The following PKHD1 variants were observed in gnomAD, a reference collection of about 807,000 sequenced individuals.
The protein encoded by PKHD1 is PKHD1 ciliary IPT domain containing fibrocystin/polyductin.
PKHD1 carries 291 observed loss-of-function variants against 412.0 expected under a neutral mutation model. The observed-to-expected ratio is 0.71, with a 90% CI of 0.64 to 0.78. The LOEUF (loss-of-function observed/expected upper bound fraction) is 0.78. PKHD1 is among the 30% of genes least tolerant of loss of function. PKHD1 has a pLI of 0.00. For missense variants in PKHD1, 4,825 were observed against 4,950.7 expected (o/e 0.97, Z 0.76); for synonymous variants, 1,777 against 1,821.5 (o/e 0.98, Z 0.62).
chr6:52,071,351 A>G (rs1810582382), intron 8 of PKHD1, among the ~76,000 whole-genome samples: 1 of 151,916 alleles, frequency 6.6e-6, no homozygotes, highest in African/African-American at 2.4e-5. Context: ...GTCATATGAC[A>G]AGTATAACAA....
In PKHD1 at chr6:52,036,790, T is replaced by C. The variant is rs146429874; in HGVS notation, c.3098-1069A>G. 9.2e-5 allele frequency among the ~76,000 whole-genome samples: 14 copies of C among 152,242 alleles called. No individual in the cohort carries two copies. The East Asian group carries it at 2.7e-3, about 29-fold the overall frequency. ...ATATTTGAAATACTCTTGAAGAACT[T>C]AATGGATGGATTAAAACTTACATAA... On this transcript the variant is annotated intron_variant, in intron 27 of 66. Transcript: ENST00000371117.
intron 33 of PKHD1, among the ~76,000 whole-genome samples, chr6:52,019,604 G>C (rs1408416054): frequency 6.6e-6 from 1 of 152,128 alleles, no homozygotes; most frequent in Non-Finnish European, 1.5e-5. Context: ...CCCAGGGCTG[G>C]GGATCAAAAT....
At chr6:51,671,548 C>G (rs1438707974) in intron 60 of PKHD1, among the ~76,000 whole-genome samples, 1 of 152,186 alleles carries the variant, frequency 6.6e-6, no homozygotes, top group Admixed American at 6.5e-5. Context: ...TCTCTCAGCT[C>G]GTCAAAGTCA....
intron 6 of PKHD1, among the ~76,000 whole-genome samples, chr6:52,073,807 GTCT>G (rs776197530): frequency 3.9e-4 from 60 of 152,156 alleles, no homozygotes; most frequent in Non-Finnish European, 7.6e-4. Context: ...GGAATAATGG[GTCT>G]TCTTCACAGT....
intron 63 of PKHD1, among the ~76,000 whole-genome samples, chr6:51,640,627 C>A (rs1361065581): frequency 6.6e-6 from 1 of 152,082 alleles, no homozygotes; most frequent in East Asian, 1.9e-4. Flanking sequence ...ACACAACTAC[C>A]AGGGAATGAT....
rs142922408 is a variant in PKHD1, at chr6:52,055,590, T to G, written c.1833A>C (p.Thr611=). ...AQKGYRLDQY[T]HLCLAYKGHM... ...AAGCACAAAGACTGCTACTCACGTGTGTATACTGATCTAGCCGATAGCCCT... is the reference window on the plus strand; with the variant it reads ...AAGCACAAAGACTGCTACTCACGTGGGTATACTGATCTAGCCGATAGCCCT... The change falls in exon 19 of 67, where the codon ACA becomes ACC. Residue 611 remains threonine, a synonymous_variant. Coordinates refer to ENST00000371117, the MANE Select transcript of PKHD1 (RefSeq NM_138694.4). 1.6e-4 allele frequency: 263 copies of G among 1,613,856 alleles called. No individual in the cohort carries two copies. Among genetic ancestry groups the G allele is most frequent in the Non-Finnish European group, 2.1e-4 (244 of 1,179,906 alleles).
chr6:51,932,379 T>C (rs889800224), intron 37 of PKHD1, among the ~76,000 whole-genome samples: 1 of 152,228 alleles, frequency 6.6e-6, no homozygotes, highest in Non-Finnish European at 1.5e-5. Context: ...TTTGAATTCC[T>C]ATTTTCAGGA....
At position 51,933,985 on chromosome 6, in the gene PKHD1, A is replaced by G. The variant is rs989615062; in HGVS notation, c.6121+125T>C. On this transcript the variant is annotated intron_variant, in intron 37 of 66. Coordinates refer to ENST00000371117, the MANE Select transcript of PKHD1 (RefSeq NM_138694.4). ...AGTTTTACTTGTTATTTAAGGAAATAGTGCCATGCTCTAACTGACCTGGTT... is the reference window on the plus strand; with the variant it reads ...AGTTTTACTTGTTATTTAAGGAAATGGTGCCATGCTCTAACTGACCTGGTT... The G allele has an allele frequency of 2.7e-5, 20 of 730,974 alleles. No individual in the cohort carries two copies. In the Admixed American group the frequency reaches 2.9e-4, roughly 11 times the overall value. 45.3% of individuals were successfully genotyped at this position (730,974 alleles called of 1,614,324 possible). A position where few individuals can be genotyped will look rare whatever the true frequency, so the allele number is the denominator to read the frequency against.
intron 35 of PKHD1, among the ~76,000 whole-genome samples, chr6:51,987,383 C>T (rs1796349012): frequency 2.0e-5 from 3 of 152,174 alleles, no homozygotes; most frequent in Non-Finnish European, 4.4e-5. Context: ...AAAACCTTCA[C>T]TTCTATACCC....
chr6:51,978,387 G>T (rs1794725268), intron 35 of PKHD1, among the ~76,000 whole-genome samples: 1 of 152,142 alleles, frequency 6.6e-6, no homozygotes, highest in Non-Finnish European at 1.5e-5. Flanking sequence ...GACTACCTCA[G>T]CCAGGGGCAT....
intron 22 of PKHD1, 110 bp from the exon 23 acceptor site, chr6:52,048,729 G>T: frequency 7.6e-7 from 1 of 1,309,156 alleles, no homozygotes; most frequent in Non-Finnish European, 1.1e-6. Context: ...TCCAGAAAGA[G>T]CTAAGGGACC....
intron 66 of PKHD1, among the ~76,000 whole-genome samples, chr6:51,624,456 C>T (rs2150264289): frequency 6.6e-6 from 1 of 152,314 alleles, no homozygotes; most frequent in African/African-American, 2.4e-5. Context: ...CTGTCCTTTC[C>T]TATCCCTGTC....
Position 52,000,530 on chromosome 6 carries a change from C to T in PKHD1, c.5751+9779G>A, listed in dbSNP as rs987263982. On this transcript the variant is annotated intron_variant, in intron 35 of 66. Coordinates refer to ENST00000371117, the MANE Select transcript of PKHD1 (RefSeq NM_138694.4). The stretch of plus-strand genomic sequence containing the variant: ...AATAATTTCAATTTATGAAGTTGTA[C>T]TTTAGAAGGAAATAAATAATCATGT... Among the ~76,000 whole-genome samples, 7 of 152,258 alleles carry T rather than the reference C, an allele frequency of 4.6e-5. No homozygotes were observed. In the South Asian group the frequency reaches 1.5e-3, roughly 32 times the overall value.
At chr6:51,866,638 A>G (rs2151752965) in intron 48 of PKHD1, among the ~76,000 whole-genome samples, 1 of 152,282 alleles carries the variant, frequency 6.6e-6, no homozygotes, top group African/African-American at 2.4e-5. Context: ...AGAAATAAAT[A>G]TTATAGAAGC....
intron 55 of PKHD1, among the ~76,000 whole-genome samples, chr6:51,757,424 T>C (rs1787203673): frequency 6.6e-6 from 1 of 152,134 alleles, no homozygotes; most frequent in Non-Finnish European, 1.5e-5. Context: ...TCTAACTTCC[T>C]TATATAAGCC....
chr6:51,742,068 T>A (rs1443532061), intron 60 of PKHD1, among the ~76,000 whole-genome samples: 1 of 152,232 alleles, frequency 6.6e-6, no homozygotes, highest in African/African-American at 2.4e-5. Flanking sequence ...GAACACCATT[T>A]GAGTAGATCT....
At chr6:51,833,181 C>T (rs1768572060) in intron 51 of PKHD1, among the ~76,000 whole-genome samples, 1 of 152,066 alleles carries the variant, frequency 6.6e-6, no homozygotes, top group African/African-American at 2.4e-5. Flanking sequence ...TTCTCTAAAA[C>T]CTCACGCCAA....
rs776079749 is a variant in PKHD1, at chr6:51,906,254, T to C, written c.6769A>G (p.Asn2257Asp). The change falls in exon 41 of 67, where the codon AAT becomes GAT. Residue 2257 changes from asparagine (N) to aspartate (D), a missense_variant. Coordinates refer to ENST00000371117, the MANE Select transcript of PKHD1 (RefSeq NM_138694.4). ...TGACCTAAAATATTGTAGAATACAT[T>C]ACTGTCCACCTTCAGGCCCAAGGTC... ...CGTLGLKVDSNVFYNILGHAL... is the reference protein window; with the variant it reads ...CGTLGLKVDSDVFYNILGHAL... 1 of 1,611,624 alleles carries C rather than the reference T, an allele frequency of 6.2e-7. No individual in the cohort carries two copies. The highest frequency in any genetic ancestry group is 8.5e-7 in the Non-Finnish European group (1 of 1,177,980).
intron 60 of PKHD1, among the ~76,000 whole-genome samples, chr6:51,731,141 C>CG (rs1296323686): frequency 6.6e-6 from 1 of 151,924 alleles, no homozygotes; most frequent in African/African-American, 2.4e-5. Context: ...AAAGCAGCAA[C>CG]GCAGGGTTAC....
Sources: allele counts gnomAD v4.1 joint callset (sites outside exome capture counted in the v4.1 genomes callset), GRCh38; gene constraint gnomAD v4.1.1; transcripts MANE v1.5; gene names NCBI Gene and HGNC (gene_info 2026-07-23, HGNC 2026-07-21).